Variants in SLC71A2 observed in about 807,000 individuals in gnomAD.
SLC71A2 encodes the protein solute carrier family 71 member 2, also known as hippocampus abundant transcript-like 1.
chr9:94,419,293 T>C, the SLC71A2 span, among the ~76,000 whole-genome samples: 18 of 111,452 alleles, frequency 1.6e-4, no homozygotes, highest in African/African-American at 4.6e-4. Context: ...CTTCAACTTT[T>C]TTTTCTTTTT....
chr9:94,406,546 G>T, the SLC71A2 span, among the ~76,000 whole-genome samples: 2 of 151,972 alleles, frequency 1.3e-5, no homozygotes, highest in African/African-American at 2.4e-5. Flanking sequence ...GCCGTTTTTT[G>T]ATTATTAGTA....
the SLC71A2 span, among the ~76,000 whole-genome samples, chr9:94,382,887 G>A: frequency 3.3e-5 from 5 of 152,038 alleles, no homozygotes; most frequent in African/African-American, 1.2e-4. Context: ...TAGAGGCGGG[G>A]TTTCACCGCG....
chr9:94,426,566 G>GT, the SLC71A2 span, among the ~76,000 whole-genome samples: 2 of 151,968 alleles, frequency 1.3e-5, no homozygotes, highest in South Asian at 2.1e-4. Context: ...TTAATTTCAT[G>GT]TTTTTTCTGT....
chr9:94,377,963 G>A, the SLC71A2 span, among the ~76,000 whole-genome samples: 1 of 152,016 alleles, frequency 6.6e-6, no homozygotes, highest in South Asian at 2.1e-4. Flanking sequence ...AGTTAGCTGG[G>A]CATGGTGGCA....
At chr9:94,452,512 G>A in the SLC71A2 span, among the ~76,000 whole-genome samples, 2 of 151,744 alleles carry the variant, frequency 1.3e-5, no homozygotes, top group African/African-American at 4.8e-5. Flanking sequence ...CAGGAGAATC[G>A]CTTGAACCTG....
chr9:94,409,772 CTTAAG>C, the SLC71A2 span, among the ~76,000 whole-genome samples: 1,755 of 151,714 alleles, frequency 0.012, 19 homozygotes, highest in Middle Eastern at 0.048. Context: ...TCCAAATTTT[CTTAAG>C]TTAATGATGT....
chr9:94,435,421 A>G, the SLC71A2 span, among the ~76,000 whole-genome samples: 1 of 152,202 alleles, frequency 6.6e-6, no homozygotes, highest in Non-Finnish European at 1.5e-5. Context: ...TCCATTCTCA[A>G]GAATTCAGCA....
the SLC71A2 span, among the ~76,000 whole-genome samples, chr9:94,417,874 C>CCCCCA: frequency 1.3e-5 from 1 of 75,258 alleles, no homozygotes. Context: ...CCCCCCCCCC[C>CCCCCA]CCGACAGAGT....
chr9:94,438,355 A>G, the SLC71A2 span: 1 of 1,613,846 alleles, frequency 6.2e-7, no homozygotes, highest in Non-Finnish European at 8.5e-7. Context: ...CAGGTAATTG[A>G]GGGATCAGAT....
chr9:94,406,414 T>C, the SLC71A2 span, among the ~76,000 whole-genome samples: 1 of 152,070 alleles, frequency 6.6e-6, no homozygotes, highest in African/African-American at 2.4e-5. Context: ...TAATTTTGTA[T>C]TGTTAGTAGA....
the SLC71A2 span, among the ~76,000 whole-genome samples, chr9:94,436,163 C>A: frequency 6.6e-6 from 1 of 151,738 alleles, no homozygotes; most frequent in Non-Finnish European, 1.5e-5. Flanking sequence ...TAATTGTTTT[C>A]TTCCAAATAT....
At chr9:94,405,695 C>T in the SLC71A2 span, among the ~76,000 whole-genome samples, 1 of 151,926 alleles carries the variant, frequency 6.6e-6, no homozygotes, top group Non-Finnish European at 1.5e-5. Flanking sequence ...GTTTTGATTG[C>T]CATATGTTTA....
At chr9:94,444,202 T>G in the SLC71A2 span, among the ~76,000 whole-genome samples, 1 of 152,190 alleles carries the variant, frequency 6.6e-6, no homozygotes, top group African/African-American at 2.4e-5. Flanking sequence ...CCATCCAGAT[T>G]GTGTTCTAAA....
the SLC71A2 span, among the ~76,000 whole-genome samples, chr9:94,410,411 T>C: frequency 2.1e-3 from 270 of 130,292 alleles, 1 homozygote; most frequent in South Asian, 0.017. Flanking sequence ...CCTATTTTTT[T>C]CCCCCCCTAA....
At chr9:94,433,783 A>C in the SLC71A2 span, among the ~76,000 whole-genome samples, 2 of 152,308 alleles carry the variant, frequency 1.3e-5, no homozygotes, top group East Asian at 3.9e-4. Context: ...GTAAAAATAC[A>C]TTTATTACTT....
At chr9:94,444,914 C>T in the SLC71A2 span, 2 of 1,567,824 alleles carry the variant, frequency 1.3e-6, no homozygotes, top group Non-Finnish European at 1.8e-6. Context: ...TATGCTTTCC[C>T]CAGAGGTGTT....
At chr9:94,438,308 A>G in the SLC71A2 span, 8 of 1,459,396 alleles carry the variant, frequency 5.5e-6, no homozygotes, top group African/African-American at 1.4e-5. Flanking sequence ...GGGCAGTACA[A>G]TGAATTAGAG....
At chr9:94,449,821 C>CT in the SLC71A2 span, among the ~76,000 whole-genome samples, 1 of 152,236 alleles carries the variant, frequency 6.6e-6, no homozygotes, top group Non-Finnish European at 1.5e-5. Flanking sequence ...ACTCAAATGT[C>CT]TATCAGCTAA....
At chr9:94,416,242 C>T in the SLC71A2 span, among the ~76,000 whole-genome samples, 948 of 152,156 alleles carry the variant, frequency 6.2e-3, 8 homozygotes, top group African/African-American at 0.021. Flanking sequence ...GGGCCGGGTA[C>T]AGTAGCATAT....
Sources: gnomAD v4.1 joint callset for allele counts (sites outside exome capture counted in the v4.1 genomes callset) on GRCh38, gnomAD v4.1.1 for gene constraint, MANE v1.5 for transcripts, NCBI Gene and HGNC (gene_info 2026-07-23, HGNC 2026-07-21) for gene names.